ADCY10: variants seen among roughly 807,000 people sequenced by gnomAD.
ADCY10 encodes adenylate cyclase type 10.
A neutral mutation model predicts 183.3 loss-of-function variants in ADCY10; 156 were observed. The ratio of observed to expected loss-of-function variants is 0.85; its 90% CI spans 0.75 to 0.97. ADCY10 has a LOEUF of 0.97. Among genes scored for constraint, ADCY10 ranks in the 50% least tolerant of loss-of-function variants. The pLI is 0.00. For synonymous variants in ADCY10, 645 were observed against 670.0 expected (o/e 0.96, Z 0.58); for missense variants, 1,745 against 1,934.3 (o/e 0.90, Z 1.84).
intron 30 of ADCY10, chr1:167,821,270 T>A (rs1197379288): frequency 6.5e-6 from 1 of 152,700 alleles, no homozygotes; most frequent in African/African-American, 2.4e-5. Flanking sequence ...GCTTAATGAG[T>A]TAATGGGGTG....
At chr1:167,832,682 CG>C (rs1558159727) in intron 25 of ADCY10, among the ~76,000 whole-genome samples, 1 of 152,074 alleles carries the variant, frequency 6.6e-6, no homozygotes, top group African/African-American at 2.4e-5. Context: ...AATGAGAACA[CG>C]GATGGCCATG....
chr1:167,860,581 G>A (rs554591015), intron 15 of ADCY10, among the ~76,000 whole-genome samples: 31 of 152,308 alleles, frequency 2.0e-4, no homozygotes, highest in African/African-American at 7.5e-4. Flanking sequence ...ATCACTTGTA[G>A]GAACAGAGTG....
intron 8 of ADCY10, among the ~76,000 whole-genome samples, chr1:167,885,687 C>T (rs1668171680): frequency 6.6e-6 from 1 of 152,092 alleles, no homozygotes; most frequent in Non-Finnish European, 1.5e-5. Flanking sequence ...CACATCTCAT[C>T]TCACTGCAAC....
chr1:167,864,167 C>T (rs1571338391), intron 14 of ADCY10, among the ~76,000 whole-genome samples: 1 of 152,132 alleles, frequency 6.6e-6, no homozygotes, highest in East Asian at 1.9e-4. Context: ...GTGTAAACTG[C>T]AAAAGTGTGT....
chr1:167,836,626 A>C, intron 22 of ADCY10, 86 bp from the exon 23 acceptor site: 1 of 990,026 alleles, frequency 1.0e-6, no homozygotes, highest in Non-Finnish European at 1.6e-6. Flanking sequence ...GCGGTGGCTC[A>C]CGCCTGTAAT....
At position 167,880,290 on chromosome 1, in the gene ADCY10, T is replaced by G. The variant is rs1571386104; in HGVS notation, c.1140-99A>C. 2.5e-6 allele frequency: 3 copies of G among 1,179,746 alleles called. No individual in the cohort carries two copies. In the Admixed American group the frequency reaches 5.8e-5, roughly 23 times the overall value. The allele number at this position is 1,179,746 out of a possible 1,614,324, so 73.1% of individuals were successfully genotyped here. A position where few individuals can be genotyped will look rare whatever the true frequency, so the allele number is the denominator to read the frequency against. ...AAATAATGTCTGGGTTGGGAAAGGG[T>G]GGGAAAGGATTTTCTCTACCCGTTG... On this transcript the variant is annotated intron_variant, in intron 10 of 32. Coordinates refer to ENST00000367851, the MANE Select transcript of ADCY10 (RefSeq NM_018417.6).
rs1036077808 is a variant in ADCY10 at position 167,856,316 on chromosome 1, G to A, written c.2020C>T (p.Pro674Ser). 41 of 1,614,000 alleles carry A rather than the reference G, an allele frequency of 2.5e-5. No homozygotes were observed. The highest frequency in any genetic ancestry group is 3.3e-5 in the Admixed American group (2 of 59,990). Residue 674 changes from proline to serine, a missense_variant, in exon 17 of 33, where the codon CCC becomes TCC. Pro to Ser is a moderately conservative substitution (Grantham distance 74). Transcript: ENST00000367851. ...GCTGCACAGGGAATGTTAACGAAGGGACACAGGGACATAATGATGAAGATA... is the reference window on the plus strand; with the variant it reads ...GCTGCACAGGGAATGTTAACGAAGGAACACAGGGACATAATGATGAAGATA... ...LPIFIIMSLC[P>S]FVNIPCAAAR...
rs758369231 is a variant in ADCY10, at chr1:167,833,974, C to T, written c.3413G>A (p.Gly1138Asp). ...AAGTCTTTAATGGTTTCTTACCTCACCTTTGAGGCTGTAAAAGGTGGCAGA... is the reference window on the plus strand; with the variant it reads ...AAGTCTTTAATGGTTTCTTACCTCATCTTTGAGGCTGTAAAAGGTGGCAGA... ...FESATFYSLKGEVCFNMGQIV... is the reference protein window; with the variant it reads ...FESATFYSLKDEVCFNMGQIV... The change falls in exon 24 of 33, where the codon GGT becomes GAT. Residue 1138 changes from glycine (G) to aspartate (D), a missense_variant. Transcript: ENST00000367851. 1.9e-6 allele frequency: 3 copies of T among 1,613,532 alleles called. No individual in the cohort carries two copies. The highest frequency in any genetic ancestry group is 1.3e-5 in the African/African-American group (1 of 75,034).
At chr1:167,913,740 TAAAG>T (rs1247652043) in intron 1 of ADCY10, among the ~76,000 whole-genome samples, 15 of 151,362 alleles carry the variant, frequency 9.9e-5, no homozygotes, top group African/African-American at 2.7e-4. Flanking sequence ...AAGAGGCAAA[TAAAG>T]AAAGTAAGCT....
In ADCY10 at chr1:167,823,126, A is replaced by G. The variant is rs1385193053; in HGVS notation, c.4053-3T>C. 20 of 1,613,506 alleles carry G rather than the reference A, an allele frequency of 1.2e-5. No homozygotes were observed. Among genetic ancestry groups the G allele is most frequent in the Middle Eastern group, 1.6e-4 (1 of 6,082 alleles). On this transcript the variant is annotated splice_region_variant and splice_polypyrimidine_tract_variant and intron_variant, in intron 28 of 32. Transcript: ENST00000367851. ...GCACCTGGATCAATTGCGGGTATCT[A>G]TGGAAAAGAAAAGGTAGTGGCCATT...
intron 13 of ADCY10, among the ~76,000 whole-genome samples, chr1:167,871,948 C>T (rs1667130481): frequency 6.6e-6 from 1 of 152,130 alleles, no homozygotes; most frequent in Non-Finnish European, 1.5e-5. Context: ...AGCTGCACAC[C>T]AACATGGCAC....
intron 30 of ADCY10, among the ~76,000 whole-genome samples, chr1:167,818,629 C>T (rs1272264901): frequency 6.6e-6 from 1 of 152,172 alleles, no homozygotes; most frequent in Non-Finnish European, 1.5e-5. Flanking sequence ...CCTCTGCCTC[C>T]TGGGTTCAAG....
At chr1:167,858,815 A>C (rs1666089231) in intron 16 of ADCY10, among the ~76,000 whole-genome samples, 1 of 152,300 alleles carries the variant, frequency 6.6e-6, no homozygotes. Flanking sequence ...ATTTGCATAT[A>C]CTCTGAGAAT....
chr1:167,894,954 G>T (rs1668858105), intron 7 of ADCY10, among the ~76,000 whole-genome samples: 1 of 152,136 alleles, frequency 6.6e-6, no homozygotes, highest in East Asian at 1.9e-4. Flanking sequence ...GGAGGCCAAG[G>T]CAGGCGGATC....
chr1:167,833,956 T>TA lies in ADCY10; in HGVS notation c.3417+13dup, dbSNP rs1165539711. 6.2e-7 allele frequency: 1 copy of TA among 1,600,478 alleles called. No homozygotes were observed. Among genetic ancestry groups the TA allele is most frequent in the Admixed American group, 1.7e-5 (1 of 59,984 alleles). On this transcript the variant is annotated intron_variant, in intron 24 of 32. Transcript: ENST00000367851. The stretch of plus-strand genomic sequence containing the variant: ...TATATAACAGATAAATTCAAGTCTT[T>TA]AATGGTTTCTTACCTCACCTTTGAG...
intron 19 of ADCY10, 109 bp downstream of exon 19, chr1:167,848,252 T>C: frequency 1.2e-6 from 1 of 856,518 alleles, no homozygotes; most frequent in Non-Finnish European, 1.9e-6. Context: ...GGTTTCACCA[T>C]ATTGGCCAGG....
At chr1:167,875,717 G>A (rs766119157) in intron 12 of ADCY10, among the ~76,000 whole-genome samples, 19 of 152,186 alleles carry the variant, frequency 1.2e-4, no homozygotes, top group Non-Finnish European at 2.2e-4. Flanking sequence ...TTGGGAGGCC[G>A]AGGTGGGCAG....
Position 167,870,375 on chromosome 1 carries a change from T to A in ADCY10, c.1498A>T (p.Met500Leu). ...CTGTTAGATATCAAAAATTTCTTCA[T>A]AGTATACATGAAGTAGTTGATCTCT... ...NKEINYFMYTMKKFLISNSSQ... is the reference protein window; with the variant it reads ...NKEINYFMYTLKKFLISNSSQ... Residue 500 changes from methionine to leucine, a missense_variant, in exon 14 of 33, where the codon ATG becomes TTG. Physicochemically the swap from Met to Leu is conservative, Grantham distance 15. Transcript: ENST00000367851. 5 of 1,612,578 alleles carry A rather than the reference T, an allele frequency of 3.1e-6. No homozygotes were observed. The highest frequency in any genetic ancestry group is 4.2e-6 in the Non-Finnish European group (5 of 1,178,668).
intron 14 of ADCY10, 136 bp from the exon 15 acceptor site, chr1:167,861,199 T>C (rs1666258009): frequency 1.3e-6 from 1 of 758,384 alleles, no homozygotes; most frequent in Non-Finnish European, 2.2e-6. Context: ...CTCGCAATGG[T>C]TCTTTATTGC....
Sources: allele counts gnomAD v4.1 joint callset (sites outside exome capture counted in the v4.1 genomes callset), GRCh38; gene constraint gnomAD v4.1.1; transcripts MANE v1.5; gene names NCBI Gene and HGNC (gene_info 2026-07-23, HGNC 2026-07-21).